ACSL1: variants seen among roughly 807,000 people sequenced by gnomAD.
ACSL1 encodes long-chain-fatty-acid--CoA ligase 1.
A neutral mutation model predicts 98.4 loss-of-function variants in ACSL1; 41 were observed. That is an observed-to-expected ratio of 0.42 (90% CI 0.32 to 0.54). ACSL1 has a LOEUF of 0.54. Ranked by LOEUF, ACSL1 falls within the 20% of genes least tolerant of loss-of-function variation. The pLI, the probability that ACSL1 is intolerant of heterozygous loss-of-function variation, is 0.13. For missense variants in ACSL1, 734 were observed against 883.1 expected, an observed-to-expected ratio of 0.83 and a Z score of 2.14; for synonymous variants, 316 against 322.7, an observed-to-expected ratio of 0.98 and a Z score of 0.22.
intron 1 of ACSL1, among the ~76,000 whole-genome samples, chr4:184,809,287 TGAG>T: frequency 6.6e-6 from 1 of 152,290 alleles, no homozygotes; most frequent in Non-Finnish European, 1.5e-5. Context: ...ACCAGTAAAA[TGAG>T]GACCATACCT....
At chr4:184,824,649 G>T (rs938364960) in intron 1 of ACSL1, among the ~76,000 whole-genome samples, 1 of 152,138 alleles carries the variant, frequency 6.6e-6, no homozygotes, top group African/African-American at 2.4e-5. Flanking sequence ...GTCAGAACAA[G>T]AAAGTAAGTC....
intron 3 of ACSL1, among the ~76,000 whole-genome samples, chr4:184,785,089 G>A (rs754670238): frequency 1.3e-5 from 2 of 152,204 alleles, no homozygotes; most frequent in Non-Finnish European, 2.9e-5. Flanking sequence ...AGTGATAGTG[G>A]CACACAGCCA....
At chr4:184,764,259 T>C (rs1763257629) in intron 15 of ACSL1, among the ~76,000 whole-genome samples, 1 of 152,212 alleles carries the variant, frequency 6.6e-6, no homozygotes, top group South Asian at 2.1e-4. Context: ...TAATTTCCTC[T>C]GAGAAGTACC....
At position 184,760,597 on chromosome 4, in the gene ACSL1, T is replaced by C. The variant is rs1762724519; in HGVS notation, c.1639-97A>G. 4 of 1,477,578 alleles carry C rather than the reference T, an allele frequency of 2.7e-6. No homozygotes were observed. In the East Asian group the frequency reaches 9.2e-5, roughly 34 times the overall value. The allele number at this position is 1,477,578 out of a possible 1,614,324, so 91.5% of individuals were successfully genotyped here. A position where few individuals can be genotyped will look rare whatever the true frequency, so the allele number is the denominator to read the frequency against. On this transcript the variant is annotated intron_variant, in intron 17 of 20. Transcript: ENST00000281455. ...ACACTGAAAGGTATTTAATACACAC[T>C]ATTGATTAATTCTAATAACATCCCA...
rs1472438024 is a variant in ACSL1 at position 184,758,130 on chromosome 4, G to A, written c.1783-210C>T. 11 of 515,666 alleles carry A rather than the reference G, an allele frequency of 2.1e-5. No individual in the cohort carries two copies. In the South Asian group the frequency reaches 2.5e-4, roughly 12 times the overall value. 31.9% of individuals were successfully genotyped at this position (515,666 alleles called of 1,614,324 possible). A position where few individuals can be genotyped will look rare whatever the true frequency, so the allele number is the denominator to read the frequency against. On this transcript the variant is annotated intron_variant, in intron 18 of 20. Transcript: ENST00000281455. ...AAATGTGGTAAGCATCAGGAATTTT[G>A]CAATTAATGTTTTTAAAAAACCACT...
rs560093673 is a variant in ACSL1 at position 184,762,238 on chromosome 4, C to A, written c.1638+169G>T. 3.9e-4 allele frequency among the ~76,000 whole-genome samples: 57 copies of A among 146,072 alleles called. 1 individual carries two copies. Among genetic ancestry groups the A allele is most frequent in the African/African-American group, 1.4e-3 (52 of 38,122 alleles). On this transcript the variant is annotated intron_variant, in intron 17 of 20. Coordinates refer to ENST00000281455, the MANE Select transcript of ACSL1 (RefSeq NM_001995.5). ...TCCAACCAAGGATGCTAAGTGTAACCCTGTCCCCTGCAGGAAATGGAACAG... is the reference window on the plus strand; with the variant it reads ...TCCAACCAAGGATGCTAAGTGTAACACTGTCCCCTGCAGGAAATGGAACAG...
upstream of ACSL1, chr4:184,826,099 T>TCCCGCGGCCCCGCCCC (rs1773474379): frequency 6.9e-6 from 1 of 145,460 alleles, no homozygotes; most frequent in Non-Finnish European, 1.5e-5. Flanking sequence ...GGCCCCGCCC[T>TCCCGCGGCCCCGCCCC]CCCGCGGCCC....
intron 10 of ACSL1, among the ~76,000 whole-genome samples, chr4:184,771,989 C>A (rs914960218): frequency 3.1e-4 from 47 of 152,192 alleles, no homozygotes; most frequent in Non-Finnish European, 1.2e-4. Context: ...TACTTTTCAA[C>A]TTTCTGACTC....
At chr4:184,762,637 A>C (rs1763021509) in intron 16 of ACSL1, 114 bp from the exon 17 acceptor site, 3 of 912,878 alleles carry the variant, frequency 3.3e-6, no homozygotes, top group South Asian at 2.9e-5. Flanking sequence ...GGAAGCCCTA[A>C]ACTCCAGGAT....
chr4:184,789,348 C>T (rs1443583674), intron 2 of ACSL1, among the ~76,000 whole-genome samples: 2 of 152,228 alleles, frequency 1.3e-5, no homozygotes, highest in African/African-American at 4.8e-5. Context: ...CACTGCCATC[C>T]ACAGCACAGA....
In ACSL1 at chr4:184,757,579, A is replaced by C; in HGVS notation, c.1956+56T>G. On this transcript the variant is annotated intron_variant, in intron 20 of 20. Coordinates refer to ENST00000281455, the MANE Select transcript of ACSL1 (RefSeq NM_001995.5). This position sits in a 1 kb window ranked among gnomAD's most constrained non-coding sequence, Gnocchi z 4.5. The stretch of plus-strand genomic sequence containing the variant: ...TGTTTATATAATCTACCTGTAAAAA[A>C]ATCTTAATGGAAAATTTGTTTTACA... The C allele has an allele frequency of 6.5e-7, 1 of 1,529,318 alleles. No homozygotes were observed. The highest frequency in any genetic ancestry group is 1.2e-5 in the South Asian group (1 of 85,142). The allele number at this position is 1,529,318 out of a possible 1,614,324, so 94.7% of individuals were successfully genotyped here.
chr4:184,772,992 C>T (rs1331665822), intron 10 of ACSL1, 89 bp downstream of exon 10: 6 of 1,284,950 alleles, frequency 4.7e-6, no homozygotes. Context: ...CCACATGGAC[C>T]TAACACACTG....
upstream of ACSL1, chr4:184,826,202 G>C (rs1290693739): frequency 1.3e-5 from 2 of 150,418 alleles, no homozygotes; most frequent in Non-Finnish European, 3.0e-5. Flanking sequence ...GCGGGTGGCC[G>C]GCGGTCGAGA....
At chr4:184,824,346 C>T (rs914311338) in intron 1 of ACSL1, among the ~76,000 whole-genome samples, 5 of 151,952 alleles carry the variant, frequency 3.3e-5, no homozygotes, top group Admixed American at 3.3e-4. Context: ...AGGCTGGTCT[C>T]GAACTCCTGA....
At chr4:184,769,586 G>A (rs1466052738) in intron 11 of ACSL1, among the ~76,000 whole-genome samples, 1 of 152,226 alleles carries the variant, frequency 6.6e-6, no homozygotes, top group East Asian at 1.9e-4. Flanking sequence ...ACTCTGAGGT[G>A]TGCAGGAAGT....
rs1351106691 is a variant in ACSL1, at chr4:184,776,665, G to A, written c.578-3C>T. The A allele has an allele frequency of 6.2e-7, 1 of 1,607,970 alleles. No individual in the cohort carries two copies. The highest frequency in any genetic ancestry group is 1.3e-5 in the African/African-American group (1 of 74,804). On this transcript the variant is annotated splice_region_variant and splice_polypyrimidine_tract_variant and intron_variant, in intron 6 of 20. Transcript: ENST00000281455. ...AACAAAAACCAGAGAGAGTTCAGCTGTAAATGAAGAGATACAATGAAGAAT... is the reference window on the plus strand; with the variant it reads ...AACAAAAACCAGAGAGAGTTCAGCTATAAATGAAGAGATACAATGAAGAAT...
intron 3 of ACSL1, among the ~76,000 whole-genome samples, chr4:184,786,460 T>A (rs7673894): frequency 0.074 from 7,294 of 99,052 alleles, 289 homozygotes; most frequent in Non-Finnish European, 0.13. Flanking sequence ...ACACACACAC[T>A]GTTTCATGTG....
At position 184,757,335 on chromosome 4, in the gene ACSL1, TTGGA is replaced by T; in HGVS notation, c.1957-74_1957-71del. The T allele has an allele frequency of 6.5e-7, 1 of 1,529,022 alleles. No homozygotes were observed. 94.7% of individuals were successfully genotyped at this position (1,529,022 alleles called of 1,614,324 possible). A position where few individuals can be genotyped will look rare whatever the true frequency, so the allele number is the denominator to read the frequency against. On this transcript the variant is annotated intron_variant, in intron 20 of 20. Transcript: ENST00000281455. This position sits in a 1 kb window ranked among gnomAD's most constrained non-coding sequence, Gnocchi z 4.5. Reference sequence around the variant, plus strand: ...CACCAGTCTCAAAAGCACGTAAGCCTTGGAGGGGATCAACACTCTCCAGCCATCC... The same window carrying T: ...CACCAGTCTCAAAAGCACGTAAGCCTGGGGATCAACACTCTCCAGCCATCC...
intron 2 of ACSL1, among the ~76,000 whole-genome samples, chr4:184,802,369 G>A (rs530418290): frequency 6.6e-6 from 1 of 152,200 alleles, no homozygotes; most frequent in African/African-American, 2.4e-5. Context: ...AGCCCGGGGG[G>A]GTGGGGGAGG....
Sources: gnomAD v4.1 joint callset for allele counts (sites outside exome capture counted in the v4.1 genomes callset) on GRCh38, gnomAD v4.1.1 for gene constraint, Gnocchi (gnomAD v3.1) non-coding constraint, MANE v1.5 for transcripts, NCBI Gene and HGNC (gene_info 2026-07-23, HGNC 2026-07-21) for gene names.